Variants in DENND4A observed in about 807,000 individuals in gnomAD.
DENND4A encodes the protein C-myc promoter-binding protein.
A neutral mutation model predicts 199.3 loss-of-function variants in DENND4A; 70 were observed. The ratio of observed to expected loss-of-function variants is 0.35; its 90% CI spans 0.29 to 0.43. The LOEUF (loss-of-function observed/expected upper bound fraction) is 0.43, where lower values mean the gene tolerates loss of function less well. DENND4A is among the 20% of genes least tolerant of loss of function. The probability of loss-of-function intolerance (pLI) is 1.00; values close to 1 mark genes in which losing one functional copy is unlikely to be tolerated. For synonymous variants in DENND4A, 686 were observed against 766.9 expected, an observed-to-expected ratio of 0.89 and a Z score of 1.74; for missense variants, 1,723 against 2,255.8, an observed-to-expected ratio of 0.76 and a Z score of 4.78.
At chr15:65,670,924 G>A (rs1050006156) in intron 25 of DENND4A, among the ~76,000 whole-genome samples, 5 of 152,134 alleles carry the variant, frequency 3.3e-5, no homozygotes, top group Non-Finnish European at 5.9e-5. Context: ...ACTCACAAAT[G>A]TATTTGGAAG....
intron 12 of DENND4A, among the ~76,000 whole-genome samples, chr15:65,722,118 A>C (rs1252761930): frequency 6.6e-6 from 1 of 152,208 alleles, no homozygotes; most frequent in Non-Finnish European, 1.5e-5. Flanking sequence ...CCCCACTGAT[A>C]CCATCAGCAT....
At chr15:65,683,255 C>A (rs1375019759) in intron 23 of DENND4A, among the ~76,000 whole-genome samples, 2 of 152,136 alleles carry the variant, frequency 1.3e-5, no homozygotes, top group Non-Finnish European at 2.9e-5. Flanking sequence ...TGGGATCTTT[C>A]TGATATTAGT....
chr15:65,734,125 G>A (rs892425103), intron 7 of DENND4A, among the ~76,000 whole-genome samples: 45 of 152,170 alleles, frequency 3.0e-4, no homozygotes, highest in African/African-American at 1.1e-3. Flanking sequence ...GCCTCTTGCA[G>A]TTGAGACAAG....
At chr15:65,746,060 G>C (rs2076379851) in intron 4 of DENND4A, among the ~76,000 whole-genome samples, 1 of 151,302 alleles carries the variant, frequency 6.6e-6, no homozygotes, top group Non-Finnish European at 1.5e-5. Flanking sequence ...AGAATCCCTT[G>C]AACCCAGGAG....
intron 1 of DENND4A, among the ~76,000 whole-genome samples, chr15:65,790,869 T>G (rs2077698633): frequency 1.3e-5 from 2 of 152,294 alleles, no homozygotes; most frequent in African/African-American, 2.4e-5. Flanking sequence ...CTTCTTAAAA[T>G]AATCCCAAAT....
chr15:65,673,150 C>T (rs2076269211), intron 24 of DENND4A, among the ~76,000 whole-genome samples: 1 of 151,062 alleles, frequency 6.6e-6, no homozygotes, highest in South Asian at 2.1e-4. Flanking sequence ...CGTGAGCCAC[C>T]GTGCCCAGCC....
chr15:65,756,418 G>C lies in DENND4A; in HGVS notation c.33C>G (p.Asp11Glu), dbSNP rs2076701655. ...CAGTTAATCCTGCTACAACAAAGTA[G>C]TCAGCAACACGAGGCCCCTTGTCTT... The part of the protein sequence containing the change: MIEDKGPRVA[D>E]YFVVAGLTDV... The change falls in exon 3 of 33, where the codon GAC (aspartate) becomes GAG (glutamate). Residue 11 changes from aspartate to glutamate, a missense_variant. Coordinates refer to ENST00000443035, the MANE Select transcript of DENND4A (RefSeq NM_001320835.1). 6.2e-7 allele frequency: 1 copy of C among 1,612,514 alleles called. No individual in the cohort carries two copies. The highest frequency in any genetic ancestry group is 8.5e-7 in the Non-Finnish European group (1 of 1,179,428).
chr15:65,747,129 C>T (rs927933696), intron 4 of DENND4A, among the ~76,000 whole-genome samples: 1 of 150,882 alleles, frequency 6.6e-6, no homozygotes, highest in African/African-American at 2.4e-5. Context: ...ATACTCTTAA[C>T]GAGAGTCAAA....
rs1471064109 is a variant in DENND4A at position 65,692,023 on chromosome 15, G to C, written c.3083-512C>G. On this transcript the variant is annotated intron_variant, in intron 22 of 32. Coordinates refer to ENST00000443035, the MANE Select transcript of DENND4A (RefSeq NM_001320835.1). Reference sequence around the variant, plus strand: ...TCACTATGTTGCCCAAGTTGGTCTTGAACTCTTGGGCTCAAGAAATTCTTC... The same window carrying C: ...TCACTATGTTGCCCAAGTTGGTCTTCAACTCTTGGGCTCAAGAAATTCTTC... Among the ~76,000 whole-genome samples the C allele has an allele frequency of 3.9e-5, 5 of 129,592 alleles. No individual in the cohort carries two copies. In the Admixed American group the frequency reaches 4.3e-4, roughly 11 times the overall value. 85.0% of individuals were successfully genotyped at this position (129,592 alleles called of 152,430 possible). A position where few individuals can be genotyped will look rare whatever the true frequency, so the allele number is the denominator to read the frequency against.
At chr15:65,666,971 G>T (rs1317638683) in intron 29 of DENND4A, among the ~76,000 whole-genome samples, 1 of 151,822 alleles carries the variant, frequency 6.6e-6, no homozygotes, top group African/African-American at 2.4e-5. Context: ...CCTGTAAGAA[G>T]AAAATATTAT....
At chr15:65,779,167 G>A (rs1364923309) in intron 1 of DENND4A, among the ~76,000 whole-genome samples, 2 of 151,440 alleles carry the variant, frequency 1.3e-5, no homozygotes, top group Non-Finnish European at 2.9e-5. Context: ...TTCAAGAGAA[G>A]GAAAAAGGCC....
chr15:65,690,073 G>C (rs574252722), intron 23 of DENND4A, among the ~76,000 whole-genome samples: 1 of 152,264 alleles, frequency 6.6e-6, no homozygotes, highest in East Asian at 1.9e-4. Flanking sequence ...TCATATGCCT[G>C]ACTGGTAATT....
In DENND4A at chr15:65,659,342, T is replaced by TG. The variant is rs2075784566; in HGVS notation, c.*2508_*2509insC. The TG allele has an allele frequency of 1.5e-5, 2 of 136,344 alleles. No individual in the cohort carries two copies. The highest frequency in any genetic ancestry group is 2.7e-5 in the African/African-American group (1 of 37,208). 8.4% of individuals were successfully genotyped at this position (136,344 alleles called of 1,614,324 possible). On this transcript the variant is annotated 3_prime_UTR_variant, in exon 33 of 33. Transcript: ENST00000443035. ...TTCTGGTTTTTTTTTTTTTTTTTTT[T>TG]TTTTTTTTTGAGACAGGGTCTTGCT... is the stretch of plus-strand genomic sequence containing the variant.
chr15:65,767,274 A>C (rs745957172), intron 1 of DENND4A: 1 of 152,212 alleles, frequency 6.6e-6, no homozygotes, highest in Non-Finnish European at 1.5e-5. Context: ...AGGCATAAAA[A>C]TTAACCAGCT....
At chr15:65,706,553 G>A (rs1387747202) in intron 14 of DENND4A, among the ~76,000 whole-genome samples, 1 of 151,506 alleles carries the variant, frequency 6.6e-6, no homozygotes, top group African/African-American at 2.4e-5. Flanking sequence ...ATGGAGTGCA[G>A]TGGCACGATC....
chr15:65,692,788 G>T (rs61265627), intron 22 of DENND4A, among the ~76,000 whole-genome samples: 52 of 152,242 alleles, frequency 3.4e-4, no homozygotes, highest in African/African-American at 1.2e-3. Context: ...GAGGAATCTT[G>T]TAACCAAAAG....
rs993733244 is a variant in DENND4A, at chr15:65,751,117, G to A, written c.561+1262C>T. Among the ~76,000 whole-genome samples the A allele has an allele frequency of 2.0e-5, 3 of 152,118 alleles. No individual in the cohort carries two copies. The East Asian group carries it at 5.8e-4, about 29-fold the overall frequency. ...AGCTCTTTAAAGAAAAAATTTGCCTGACCCCTGGATTAGGACACTACTGCA... is the reference window on the plus strand; with the variant it reads ...AGCTCTTTAAAGAAAAAATTTGCCTAACCCCTGGATTAGGACACTACTGCA... On this transcript the variant is annotated intron_variant, in intron 4 of 32. Coordinates refer to ENST00000443035, the MANE Select transcript of DENND4A (RefSeq NM_001320835.1).
In DENND4A at chr15:65,668,044, AT is replaced by A; in HGVS notation, c.4866del (p.Lys1622AsnfsTer44). ...CTCCTGGCCATTGGAAATATTGGAC[AT>A]TTAGACATAGCTGTTTTTGATCTAT... ...PANRSKTAMS[K>X]CPIFPMARSI... On this transcript the variant is annotated frameshift_variant, in exon 28 of 33. Coordinates refer to ENST00000443035, the MANE Select transcript of DENND4A (RefSeq NM_001320835.1). LOFTEE classifies it high-confidence loss of function. The A allele has an allele frequency of 6.2e-7, 1 of 1,612,238 alleles. No individual in the cohort carries two copies. The highest frequency in any genetic ancestry group is 8.5e-7 in the Non-Finnish European group (1 of 1,179,470).
chr15:65,760,808 G>C (rs2076834200), intron 2 of DENND4A, among the ~76,000 whole-genome samples: 1 of 151,526 alleles, frequency 6.6e-6, no homozygotes, highest in African/African-American at 2.4e-5. Context: ...AGAATCACCT[G>C]AACGCTGTAG....
Sources: allele counts gnomAD v4.1 joint callset (sites outside exome capture counted in the v4.1 genomes callset), GRCh38; gene constraint gnomAD v4.1.1; transcripts MANE v1.5; gene names NCBI Gene and HGNC (gene_info 2026-07-23, HGNC 2026-07-21).